Variants in PRICKLE2 observed in about 807,000 individuals in gnomAD.
PRICKLE2 encodes prickle planar cell polarity protein 2, also known as prickle-like protein 2.
PRICKLE2 carries 21 observed loss-of-function variants against 81.4 expected under a neutral mutation model. The ratio of observed to expected loss-of-function variants is 0.26; its 90% CI spans 0.18 to 0.37. The LOEUF (loss-of-function observed/expected upper bound fraction) is 0.37. Among genes scored for constraint, PRICKLE2 ranks in the 10% least tolerant of loss-of-function variants. The probability of loss-of-function intolerance (pLI) is 1.00; values close to 1 mark genes in which losing one functional copy is unlikely to be tolerated. For missense variants in PRICKLE2, 940 were observed against 1,109.0 expected (o/e 0.85, Z 2.16); for synonymous variants, 456 against 421.5 (o/e 1.08, Z -1.00).
rs118050593 is a variant in PRICKLE2 at position 64,141,276 on chromosome 3, T to C, written c.1660+5554A>G. Among the ~76,000 whole-genome samples, 558 of 152,350 alleles carry C rather than the reference T, an allele frequency of 3.7e-3. 11 individuals carry two copies. Among genetic ancestry groups the C allele is most frequent in the Admixed American group, 0.028 (433 of 15,308 alleles). On this transcript the variant is annotated intron_variant, in intron 7 of 7. Coordinates refer to ENST00000638394, the MANE Select transcript of PRICKLE2 (RefSeq NM_198859.4). ...AGCTAGAATGCCCAAGTTTAAATTCTGCTTTTCTACTTCCAAGCAATGTGG... is the reference window on the plus strand; with the variant it reads ...AGCTAGAATGCCCAAGTTTAAATTCCGCTTTTCTACTTCCAAGCAATGTGG...
intron 1 of PRICKLE2, among the ~76,000 whole-genome samples, chr3:64,206,077 A>C (rs1232979529): frequency 6.6e-6 from 1 of 152,258 alleles, no homozygotes; most frequent in Non-Finnish European, 1.5e-5. Flanking sequence ...ATTCCTAATC[A>C]TGAAACTCTT....
At chr3:64,241,326 A>G (rs901381120) in intron 2 of PRICKLE2, among the ~76,000 whole-genome samples, 2 of 152,150 alleles carry the variant, frequency 1.3e-5, no homozygotes, top group African/African-American at 4.8e-5. Context: ...GACACATTCT[A>G]CACTTTTCCA....
chr3:64,153,025 G>A (rs182940555), intron 6 of PRICKLE2, among the ~76,000 whole-genome samples, 157 bp downstream of exon 6: 42 of 152,248 alleles, frequency 2.8e-4, no homozygotes, highest in Middle Eastern at 6.8e-3. Context: ...TATACTTCTT[G>A]GCCTTTCTAG....
intron 2 of PRICKLE2, among the ~76,000 whole-genome samples, chr3:64,249,677 A>G (rs1416584422): frequency 1.3e-5 from 2 of 152,148 alleles, no homozygotes; most frequent in African/African-American, 4.8e-5. Flanking sequence ...GTTCTATTCT[A>G]CTTCCAGAAT....
At chr3:64,114,244 G>A (rs2076899147) in intron 7 of PRICKLE2, among the ~76,000 whole-genome samples, 1 of 151,460 alleles carries the variant, frequency 6.6e-6, no homozygotes, top group African/African-American at 2.4e-5. Flanking sequence ...AAAGATTGAA[G>A]GTAGATAAGC....
At chr3:64,239,604 G>C (rs2079231987) in intron 2 of PRICKLE2, among the ~76,000 whole-genome samples, 1 of 152,156 alleles carries the variant, frequency 6.6e-6, no homozygotes, top group Admixed American at 6.5e-5. Context: ...AGGGACAGGG[G>C]AGGGGAGGTG....
chr3:64,255,477 C>T (rs2079512626), intron 2 of PRICKLE2, among the ~76,000 whole-genome samples: 1 of 152,140 alleles, frequency 6.6e-6, no homozygotes, highest in Non-Finnish European at 1.5e-5. Flanking sequence ...ATCAAGACCA[C>T]ACCTCATTCC....
At chr3:64,162,773 A>G (rs1236441307) in intron 3 of PRICKLE2, among the ~76,000 whole-genome samples, 3 of 152,206 alleles carry the variant, frequency 2.0e-5, no homozygotes, top group African/African-American at 7.2e-5. Flanking sequence ...GCTACCCCCA[A>G]ATAGCTAGTA....
chr3:64,180,767 A>C (rs2078116053), intron 2 of PRICKLE2, among the ~76,000 whole-genome samples: 1 of 152,114 alleles, frequency 6.6e-6, no homozygotes, highest in Non-Finnish European at 1.5e-5. Flanking sequence ...TCCTGACCTC[A>C]CGTGATCCAC....
chr3:64,110,959 CAAAAAAAA>C (rs550808708), intron 7 of PRICKLE2, among the ~76,000 whole-genome samples: 3 of 63,866 alleles, frequency 4.7e-5, no homozygotes, highest in African/African-American at 2.3e-4. Flanking sequence ...GACTCCATCT[CAAAAAAAA>C]AAAAAAAAAA....
intron 2 of PRICKLE2, among the ~76,000 whole-genome samples, chr3:64,243,124 A>G (rs977135634): frequency 6.6e-6 from 1 of 152,220 alleles, no homozygotes; most frequent in African/African-American, 2.4e-5. Context: ...GCATGTGTGC[A>G]AAAACTCTAA....
At position 64,146,899 on chromosome 3, in the gene PRICKLE2, C is replaced by T; in HGVS notation, c.1591G>A (p.Glu531Lys). ...GTCTGCTCTGTGGGCGTCATGTCCT[C>T]TGTGTATTTCAGGGAACTGATGGGA... Reference protein sequence around the residue: ...RHPISSLKYTEDMTPTEQTPR... With the variant: ...RHPISSLKYTKDMTPTEQTPR... Residue 531 changes from glutamate (E) to lysine (K), a missense_variant, in exon 7 of 8, where the codon GAG becomes AAG. This residue lies in a region of PRICKLE2 where 670 missense variants were observed against 717.2 expected (regional missense o/e 0.93). Transcript: ENST00000638394. 6.2e-7 allele frequency: 1 copy of T among 1,614,162 alleles called. No homozygotes were observed. Among genetic ancestry groups the T allele is most frequent in the Non-Finnish European group, 8.5e-7 (1 of 1,180,026 alleles).
intron 7 of PRICKLE2, chr3:64,146,317 A>C (rs2107013522): frequency 5.7e-6 from 1 of 175,628 alleles, no homozygotes; most frequent in Non-Finnish European, 1.2e-5. Context: ...CCCTCAGTAC[A>C]TCACAGGCAT....
intron 2 of PRICKLE2, among the ~76,000 whole-genome samples, chr3:64,179,057 T>C (rs756804862): frequency 3.3e-5 from 5 of 150,894 alleles, no homozygotes; most frequent in Non-Finnish European, 5.9e-5. Context: ...TCTTTCTTTC[T>C]TCTTTTTCTT....
At chr3:64,163,987 C>T (rs1186216048) in intron 2 of PRICKLE2, 2 of 150,456 alleles carry the variant, frequency 1.3e-5, no homozygotes, top group Non-Finnish European at 2.9e-5. Context: ...AAAATACTCT[C>T]AAGTATCTCT....
At position 64,096,148 on chromosome 3, in the gene PRICKLE2, A is replaced by T. The variant is rs1575526937; in HGVS notation, c.*2903T>A. On this transcript the variant is annotated 3_prime_UTR_variant, in exon 8 of 8. Transcript: ENST00000638394. ...GTTCTAACCAAAAGACAAGAAGATC[A>T]ATATTAGGAGAGGTGGGAAAAATAA... 1 of 152,236 alleles carries T rather than the reference A, an allele frequency of 6.6e-6. No individual in the cohort carries two copies. The highest frequency in any genetic ancestry group is 2.4e-5 in the African/African-American group (1 of 41,460). The allele number at this position is 152,236 out of a possible 1,614,324, so 9.4% of individuals were successfully genotyped here. A position where few individuals can be genotyped will look rare whatever the true frequency, so the allele number is the denominator to read the frequency against.
intron 2 of PRICKLE2, among the ~76,000 whole-genome samples, chr3:64,267,463 A>G (rs2079728465): frequency 6.6e-6 from 1 of 152,266 alleles, no homozygotes; most frequent in Non-Finnish European, 1.5e-5. Flanking sequence ...GTTTTAAAGT[A>G]GATCTTCCTG....
rs142177885 is a variant in PRICKLE2 at position 64,231,590 on chromosome 3, T to C, written c.129-32623A>G. On this transcript the variant is annotated intron_variant, in intron 2 of 8. Transcript: ENST00000295902. ...AACATTGGCAAAATGAATGATATCC[T>C]AGAAAAAGGCTAAAAACTCTCTGCC... is the stretch of plus-strand genomic sequence containing the variant. Among the ~76,000 whole-genome samples, 52 of 152,262 alleles carry C rather than the reference T, an allele frequency of 3.4e-4. 1 individual carries two copies. Among genetic ancestry groups the C allele is most frequent in the South Asian group, 2.1e-4 (1 of 4,820 alleles).
intron 7 of PRICKLE2, among the ~76,000 whole-genome samples, chr3:64,134,843 C>T (rs115070271): frequency 0.013 from 2,037 of 152,320 alleles, 23 homozygotes; most frequent in Non-Finnish European, 0.021. Context: ...TCAGTTTCCT[C>T]TCCTCTCTCA....
Sources: gnomAD v4.1 joint callset for allele counts (sites outside exome capture counted in the v4.1 genomes callset) on GRCh38, gnomAD v4.1.1 for gene constraint, gnomAD v4.1.1 regional missense constraint, MANE v1.5 for transcripts, NCBI Gene and HGNC (gene_info 2026-07-23, HGNC 2026-07-21) for gene names.